LRRC18: variants seen among roughly 807,000 people sequenced by gnomAD.
LRRC18 encodes the protein leucine rich repeat containing 18.
In LRRC18, 12 loss-of-function variants were observed where a neutral mutation model predicts 11.2. The ratio of observed to expected loss-of-function variants is 1.07; its 90% CI spans 0.69 to 1.74. The LOEUF (loss-of-function observed/expected upper bound fraction) is 1.74. LRRC18 is among the 40% of genes most tolerant of loss of function. The probability of loss-of-function intolerance (pLI) is 0.00; values close to 1 mark genes in which losing one functional copy is unlikely to be tolerated. For synonymous variants in LRRC18, 155 were observed against 130.6 expected, an observed-to-expected ratio of 1.19 and a Z score of -1.27; for missense variants, 374 against 330.5, an observed-to-expected ratio of 1.13 and a Z score of -1.02.
At chr10:48,931,445 C>T in the LRRC18 span, among the ~76,000 whole-genome samples, 1 of 152,220 alleles carries the variant, frequency 6.6e-6, no homozygotes, top group South Asian at 2.1e-4. Flanking sequence ...AGCCCACCCT[C>T]AGCCAGCCAC....
intron 1 of LRRC18, among the ~76,000 whole-genome samples, chr10:48,912,617 C>T (rs1838108696): frequency 2.0e-5 from 3 of 152,228 alleles, no homozygotes; most frequent in Non-Finnish European, 4.4e-5. Context: ...GGCCCCTGCA[C>T]CTAGCATGGT....
chr10:48,937,153 CA>C, the LRRC18 span, among the ~76,000 whole-genome samples: 1 of 152,118 alleles, frequency 6.6e-6, no homozygotes, highest in African/African-American at 2.4e-5. Context: ...CTCGGCCTCC[CA>C]GAGTGTTGGG....
the LRRC18 span, among the ~76,000 whole-genome samples, chr10:48,930,756 A>G: frequency 2.6e-5 from 4 of 152,242 alleles, no homozygotes; most frequent in South Asian, 2.1e-4. Flanking sequence ...ATGTGTAATC[A>G]TAGAATGAAA....
chr10:48,927,501 T>C, the LRRC18 span, among the ~76,000 whole-genome samples: 1 of 152,202 alleles, frequency 6.6e-6, no homozygotes, highest in African/African-American at 2.4e-5. Flanking sequence ...AAGTAGCAAA[T>C]GGAGTGTCTG....
At chr10:48,910,197 C>T (rs748066001) in exon 2 of LRRC18, 14 of 865,854 alleles carry the variant, frequency 1.6e-5, no homozygotes, top group East Asian at 3.5e-5. Context: ...GTCGTTTATT[C>T]TGTTAGCTGA....
At chr10:48,915,409 G>T (rs1269884419), upstream of LRRC18, among the ~76,000 whole-genome samples, 1 of 117,776 alleles carries the variant, frequency 8.5e-6, no homozygotes, top group African/African-American at 2.9e-5. Context: ...TGTGCCTCCT[G>T]CTTGCTGATT....
upstream of LRRC18, among the ~76,000 whole-genome samples, chr10:48,916,519 T>C (rs1838549535): frequency 6.6e-6 from 1 of 152,070 alleles, no homozygotes; most frequent in African/African-American, 2.4e-5. Flanking sequence ...AGCTGGGGGG[T>C]TGCTTTGTTT....
the LRRC18 span, among the ~76,000 whole-genome samples, chr10:48,926,810 CAT>C: frequency 3.3e-5 from 5 of 152,198 alleles, no homozygotes; most frequent in Non-Finnish European, 7.3e-5. Flanking sequence ...ATGGGGCACA[CAT>C]AATGCCACGA....
chr10:48,915,417 A>ATTT (rs11413657), upstream of LRRC18, among the ~76,000 whole-genome samples: 22 of 147,740 alleles, frequency 1.5e-4, no homozygotes, highest in African/African-American at 4.7e-4. Flanking sequence ...CTGCTTGCTG[A>ATTT]TTTTTTTTTT....
chr10:48,915,909 C>A (rs1838484678), upstream of LRRC18, among the ~76,000 whole-genome samples: 1 of 152,148 alleles, frequency 6.6e-6, no homozygotes, highest in Non-Finnish European at 1.5e-5. Flanking sequence ...GTTTCCAGAG[C>A]CAGCACCATG....
At chr10:48,933,296 G>A in the LRRC18 span, among the ~76,000 whole-genome samples, 1 of 152,156 alleles carries the variant, frequency 6.6e-6, no homozygotes, top group African/African-American at 2.4e-5. Flanking sequence ...TGCCTCATGT[G>A]CATCATCTCA....
the LRRC18 span, among the ~76,000 whole-genome samples, chr10:48,930,166 C>T: frequency 6.6e-6 from 1 of 152,182 alleles, no homozygotes; most frequent in Non-Finnish European, 1.5e-5. Flanking sequence ...CCCATGCCCT[C>T]AGAAAGGGTC....
the LRRC18 span, among the ~76,000 whole-genome samples, chr10:48,929,166 G>A: frequency 6.6e-6 from 1 of 151,910 alleles, no homozygotes; most frequent in African/African-American, 2.4e-5. Context: ...TTCAGATGGA[G>A]GAAACATCAA....
exon 1 of LRRC18, chr10:48,913,822 C>G (rs568174833): frequency 2.0e-5 from 32 of 1,613,900 alleles, no homozygotes; most frequent in Non-Finnish European, 2.7e-5. Context: ...ACGGGCAGCC[C>G]GTTGCTGGTC....
chr10:48,931,096 A>AAC, the LRRC18 span, among the ~76,000 whole-genome samples: 2,041 of 150,336 alleles, frequency 0.014, 39 homozygotes, highest in African/African-American at 0.047. Flanking sequence ...CTCACACTCA[A>AAC]ACACACACAC....
the LRRC18 span, among the ~76,000 whole-genome samples, chr10:48,924,915 A>T: frequency 2.0e-5 from 3 of 152,216 alleles, no homozygotes; most frequent in African/African-American, 7.2e-5. Flanking sequence ...ACATCCCTAA[A>T]TAGCTTGCTA....
chr10:48,927,078 C>T, the LRRC18 span, among the ~76,000 whole-genome samples: 3 of 152,098 alleles, frequency 2.0e-5, no homozygotes, highest in African/African-American at 7.2e-5. Context: ...CTGTAGTGCC[C>T]CTGTATCAGG....
the LRRC18 span, among the ~76,000 whole-genome samples, chr10:48,920,406 A>T: frequency 6.6e-6 from 1 of 152,164 alleles, no homozygotes; most frequent in African/African-American, 2.4e-5. Flanking sequence ...TAGGAGATAT[A>T]CCTAATGTTA....
chr10:48,917,612 A>C (rs540056345), upstream of LRRC18, among the ~76,000 whole-genome samples: 1 of 152,360 alleles, frequency 6.6e-6, no homozygotes, highest in South Asian at 2.1e-4. Flanking sequence ...TGCTGAAAGA[A>C]AAGAACTATC....
Sources: gnomAD v4.1 joint callset for allele counts (sites outside exome capture counted in the v4.1 genomes callset) on GRCh38, gnomAD v4.1.1 for gene constraint, MANE v1.5 for transcripts, NCBI Gene and HGNC (gene_info 2026-07-23, HGNC 2026-07-21) for gene names.